Variants in FGF13 observed in about 807,000 individuals in gnomAD.
The protein encoded by FGF13 is fibroblast growth factor 13, also known as fibroblast growth factor homologous factor 2.
Under a neutral mutation model 19.5 loss-of-function variants are expected in FGF13, and 2 were observed. That is an observed-to-expected ratio of 0.10 (90% confidence interval 0.04 to 0.32). The LOEUF is 0.32. Ranked by LOEUF, FGF13 falls within the 10% of genes least tolerant of loss-of-function variation. The pLI, the probability that FGF13 is intolerant of heterozygous loss-of-function variation, is 1.00. For synonymous variants in FGF13, 72 were observed against 76.9 expected, an observed-to-expected ratio of 0.94 and a Z score of 0.33; for missense variants, 113 against 192.7, an observed-to-expected ratio of 0.59 and a Z score of 2.45.
chrX:138,643,954 GC>G (rs1365424478), intron 3 of FGF13, among the ~76,000 whole-genome samples: 1 of 112,028 alleles, frequency 8.9e-6, no homozygotes. Context: ...CTACTATGAA[GC>G]TTTCTCATTT....
At chrX:138,851,514 A>C (rs1018408378) in intron 3 of FGF13, among the ~76,000 whole-genome samples, 38 of 111,309 alleles carry the variant, frequency 3.4e-4, no homozygotes, top group African/African-American at 1.2e-3. Context: ...ATAAAATTCA[A>C]CTCCCCTTCA....
At chrX:139,011,169 G>A (rs1316227242) in intron 1 of FGF13, among the ~76,000 whole-genome samples, 2 of 110,515 alleles carry the variant, frequency 1.8e-5, no homozygotes, top group Admixed American at 1.9e-4. Flanking sequence ...TTTAAAAATT[G>A]TCAGCAAAAT....
At chrX:139,161,727 C>A (rs2084035798) in intron 1 of FGF13, among the ~76,000 whole-genome samples, 1 of 111,437 alleles carries the variant, frequency 9.0e-6, no homozygotes, top group African/African-American at 3.3e-5. Flanking sequence ...TCAATGAGCG[C>A]AAAAATCACA....
chrX:139,149,747 T>A (rs1054355626), intron 1 of FGF13, among the ~76,000 whole-genome samples: 55 of 112,080 alleles, frequency 4.9e-4, no homozygotes, highest in African/African-American at 1.6e-3. Context: ...TGAGCCCCCA[T>A]TAAAGGAATC....
At chrX:139,022,456 A>AT (rs772952371) in intron 1 of FGF13, among the ~76,000 whole-genome samples, 2 of 111,230 alleles carry the variant, frequency 1.8e-5, no homozygotes, top group African/African-American at 6.5e-5. Flanking sequence ...CACATCCAAT[A>AT]TTTTTTCTTC....
intron 3 of FGF13, among the ~76,000 whole-genome samples, chrX:138,644,708 A>C (rs566853859): frequency 8.9e-6 from 1 of 111,890 alleles, no homozygotes; most frequent in African/African-American, 3.2e-5. Context: ...TTGAAAGGAG[A>C]CTTTCTTGAA....
At chrX:139,001,823 G>A (rs2124361312) in intron 1 of FGF13, among the ~76,000 whole-genome samples, 1 of 111,771 alleles carries the variant, frequency 8.9e-6, no homozygotes, top group East Asian at 2.8e-4. Context: ...ATTTGACCCA[G>A]CAACCCCATT....
chrX:138,811,944 C>CT lies in FGF13; in HGVS notation c.217+45567dup, dbSNP rs199549120. Among the ~76,000 whole-genome samples, 464 of 103,458 alleles carry CT rather than the reference C, an allele frequency of 4.5e-3. 2 individuals carry two copies. The highest frequency in any genetic ancestry group is 0.021 in the East Asian group (71 of 3,316). 89.8% of individuals were successfully genotyped at this position (103,458 alleles called of 115,157 possible). ...AATATATTACAAATCCAACCACTTT[C>CT]TTTTTTTTTTTTACAGTTCAGTGGT... is the stretch of plus-strand genomic sequence containing the variant. On this transcript the variant is annotated intron_variant, in intron 3 of 6. Coordinates refer to the FGF13 transcript ENST00000436198.
At chrX:138,887,402 A>G (rs1448425929) in intron 1 of FGF13, among the ~76,000 whole-genome samples, 1 of 111,655 alleles carries the variant, frequency 9.0e-6, no homozygotes, top group Non-Finnish European at 1.9e-5. Context: ...CAGCTATTAG[A>G]ACAAAAGCTA....
intron 1 of FGF13, among the ~76,000 whole-genome samples, chrX:139,054,215 C>T (rs968441759): frequency 1.9e-5 from 2 of 103,110 alleles, no homozygotes; most frequent in Admixed American, 1.1e-4. Context: ...CTCCGCCTCC[C>T]GGGTTCACGC....
At chrX:138,694,638 A>AT in intron 3 of FGF13, among the ~76,000 whole-genome samples, 1 of 104,552 alleles carries the variant, frequency 9.6e-6, no homozygotes, top group Non-Finnish European at 2.0e-5. Context: ...ATTTATTTTT[A>AT]TTTTTTTAAA....
chrX:139,119,279 C>T (rs775724943), intron 1 of FGF13, among the ~76,000 whole-genome samples: 27 of 111,933 alleles, frequency 2.4e-4, no homozygotes, highest in African/African-American at 8.8e-4. Context: ...GCTTGCAGTC[C>T]GCCAATAATA....
intron 1 of FGF13, among the ~76,000 whole-genome samples, chrX:138,936,877 TA>T (rs779089828): frequency 3.6e-5 from 4 of 111,456 alleles, no homozygotes; most frequent in Non-Finnish European, 7.5e-5. Flanking sequence ...TGTTATAGGG[TA>T]AAGATTATAC....
intron 1 of FGF13, among the ~76,000 whole-genome samples, chrX:138,922,008 A>G (rs28515793): frequency 0.022 from 2,424 of 108,558 alleles, 70 homozygotes; most frequent in African/African-American, 0.075. Flanking sequence ...AACAACAACA[A>G]AAAAAACGAC....
intron 3 of FGF13, chrX:138,667,744 C>A: frequency 2.7e-6 from 1 of 370,749 alleles, no homozygotes; most frequent in East Asian, 7.9e-5. Flanking sequence ...CCTGCACTCC[C>A]TTCAGTAAGA....
At chrX:138,675,624 T>A (rs1212862817) in intron 3 of FGF13, among the ~76,000 whole-genome samples, 1 of 111,636 alleles carries the variant, frequency 9.0e-6, no homozygotes, top group Non-Finnish European at 1.9e-5. Context: ...TTCATATTTA[T>A]TCTATTTTGA....
chrX:138,903,751 C>T (rs903799733), intron 1 of FGF13, among the ~76,000 whole-genome samples: 8 of 111,884 alleles, frequency 7.2e-5, no homozygotes, highest in Non-Finnish European at 1.5e-4. Flanking sequence ...CTTATGACTA[C>T]TGTAGCATTT....
intron 1 of FGF13, among the ~76,000 whole-genome samples, chrX:139,140,013 A>T (rs909982107): frequency 9.0e-6 from 1 of 111,290 alleles, no homozygotes; most frequent in African/African-American, 3.3e-5. Context: ...GTGTTACTCA[A>T]CTTAGTTCAT....
Position 139,155,302 on chromosome X carries a change from T to A in FGF13, c.-113+48114A>T, listed in dbSNP as rs184908881. On this transcript the variant is annotated intron_variant, in intron 1 of 2. Transcript: ENST00000421460. ...GCAATTGCTTCTTAATGAAAAGGAA[T>A]TGTCATGTAATAGCTACATTTTGAT... is the stretch of plus-strand genomic sequence containing the variant. Among the ~76,000 whole-genome samples the A allele has an allele frequency of 4.0e-3, 451 of 112,146 alleles. 2 individuals carry two copies. Among genetic ancestry groups the A allele is most frequent in the African/African-American group, 0.014 (436 of 30,942 alleles).
Sources: gnomAD v4.1 joint callset for allele counts (sites outside exome capture counted in the v4.1 genomes callset) on GRCh38, gnomAD v4.1.1 for gene constraint, MANE v1.5 for transcripts, NCBI Gene and HGNC (gene_info 2026-07-23, HGNC 2026-07-21) for gene names.